The following AFAP1 variants were observed in gnomAD, a reference collection of about 807,000 sequenced individuals.
AFAP1 encodes the protein actin filament associated protein 1, also known as actin filament-associated protein 1.
In AFAP1, 75 loss-of-function variants were observed where a neutral mutation model predicts 93.9. The observed-to-expected ratio is 0.80, with a 90% CI of 0.66 to 0.97. AFAP1 has a LOEUF of 0.97. Ranked by LOEUF, AFAP1 falls within the 50% of genes least tolerant of loss-of-function variation. AFAP1 has a pLI of 0.00. For missense variants in AFAP1, 1,201 were observed against 1,050.8 expected, an observed-to-expected ratio of 1.14 and a Z score of -1.98; for synonymous variants, 517 against 430.7, an observed-to-expected ratio of 1.20 and a Z score of -2.48.
At chr4:7,916,159 T>C (rs1037082570) in intron 1 of AFAP1, among the ~76,000 whole-genome samples, 7 of 152,136 alleles carry the variant, frequency 4.6e-5, no homozygotes, top group African/African-American at 7.2e-5. Context: ...AGACCTGCAA[T>C]TTCCCCAAAG....
intron 6 of AFAP1, among the ~76,000 whole-genome samples, chr4:7,838,094 T>C (rs1036829629): frequency 2.0e-5 from 3 of 152,154 alleles, no homozygotes; most frequent in Non-Finnish European, 4.4e-5. Flanking sequence ...TATATTTAAA[T>C]GTAGTCTCAG....
intron 13 of AFAP1, among the ~76,000 whole-genome samples, chr4:7,780,500 T>A (rs562414741): frequency 6.6e-6 from 1 of 152,380 alleles, no homozygotes; most frequent in Non-Finnish European, 1.5e-5. Context: ...AGGCAAAGCA[T>A]GAACAATTCT....
chr4:7,903,574 G>T (rs1719235641), intron 1 of AFAP1, among the ~76,000 whole-genome samples: 1 of 152,222 alleles, frequency 6.6e-6, no homozygotes, highest in African/African-American at 2.4e-5. Flanking sequence ...AGTTACTCAG[G>T]AAGCTGAGGC....
In AFAP1 at chr4:7,900,526, A is replaced by G. The variant is rs116507246; in HGVS notation, c.-2-28446T>C. Among the ~76,000 whole-genome samples, 884 of 152,312 alleles carry G rather than the reference A, an allele frequency of 5.8e-3. 6 individuals carry two copies. Among genetic ancestry groups the G allele is most frequent in the African/African-American group, 0.019 (779 of 41,552 alleles). On this transcript the variant is annotated intron_variant, in intron 1 of 17. Coordinates refer to ENST00000420658, the MANE Select transcript of AFAP1 (RefSeq NM_001134647.2). The stretch of plus-strand genomic sequence containing the variant: ...GGCCAGGAGGATGGTGCTTCCCAGG[A>G]AGCAATTACTTCATCTCTGCCCATG...
intron 14 of AFAP1, chr4:7,777,806 C>A (rs1252928415): frequency 6.6e-6 from 1 of 152,252 alleles, no homozygotes; most frequent in Admixed American, 6.5e-5. Flanking sequence ...AATCCCCACA[C>A]TGCAGCCCTG....
intron 11 of AFAP1, among the ~76,000 whole-genome samples, chr4:7,790,993 G>A (rs1356640186): frequency 6.6e-6 from 1 of 152,160 alleles, no homozygotes; most frequent in African/African-American, 2.4e-5. Context: ...TTCACTTTGA[G>A]AACTATTTCT....
At chr4:7,778,575 G>C (rs1475490405) in intron 14 of AFAP1, 187 bp downstream of exon 14, 32 of 637,384 alleles carry the variant, frequency 5.0e-5, no homozygotes, top group Non-Finnish European at 7.3e-5. Flanking sequence ...TTTACAAGCA[G>C]TCAGAAAAGC....
chr4:7,864,431 T>C (rs1716183541), intron 3 of AFAP1, among the ~76,000 whole-genome samples: 1 of 152,218 alleles, frequency 6.6e-6, no homozygotes, highest in Non-Finnish European at 1.5e-5. Context: ...AGCCAATTCA[T>C]TAAGGCAAAC....
intron 1 of AFAP1, among the ~76,000 whole-genome samples, chr4:7,873,024 C>A (rs1442189594): frequency 6.8e-6 from 1 of 147,614 alleles, no homozygotes; most frequent in Non-Finnish European, 1.5e-5. Flanking sequence ...CCCAGGCAGG[C>A]GGATCACCTA....
intron 7 of AFAP1, 63 bp from the exon 8 acceptor site, chr4:7,816,162 G>T: frequency 7.3e-7 from 1 of 1,366,182 alleles, no homozygotes; most frequent in South Asian, 1.2e-5. Flanking sequence ...GATGTGTGAT[G>T]GATCAACCAA....
intron 1 of AFAP1, among the ~76,000 whole-genome samples, chr4:7,898,055 C>T (rs897951808): frequency 6.6e-6 from 1 of 152,192 alleles, no homozygotes; most frequent in African/African-American, 2.4e-5. Flanking sequence ...AACCACTCCT[C>T]ACCTTCCTCA....
At chr4:7,774,385 T>G (rs6824231) in intron 15 of AFAP1, 32,043 of 247,816 alleles carry the variant, frequency 0.13, 2,378 homozygotes, top group East Asian at 0.22. Flanking sequence ...TGATCCCTCC[T>G]ACCCGGTGAC....
intron 17 of AFAP1, among the ~76,000 whole-genome samples, chr4:7,765,754 C>T (rs1714466155): frequency 1.3e-5 from 2 of 152,216 alleles, no homozygotes; most frequent in South Asian, 4.1e-4. Context: ...ACGCCAGGGC[C>T]AGACCTTCTG....
rs1425138950 is a variant in AFAP1 at position 7,774,773 on chromosome 4, T to C, written c.2028A>G (p.Arg676=). 9 of 1,614,232 alleles carry C rather than the reference T, an allele frequency of 5.6e-6. No individual in the cohort carries two copies. The highest frequency in any genetic ancestry group is 7.6e-6 in the Non-Finnish European group (9 of 1,180,048). The change falls in exon 15 of 18, where the codon AGA becomes AGG. Residue 676 remains arginine, a synonymous_variant. Transcript: ENST00000420658. ...CTTCAATAGCCGCTCGAAGGTCTTT[T>C]CTTTCCTTGCGGAGCTGGGCCAGCC... The part of the protein sequence containing the change: ...RNRLAQLRKE[R]KDLRAAIEVN...
At chr4:7,808,043 A>G (rs962396584) in intron 9 of AFAP1, among the ~76,000 whole-genome samples, 5 of 152,236 alleles carry the variant, frequency 3.3e-5, no homozygotes, top group African/African-American at 4.8e-5. Context: ...AATAAAACCC[A>G]ACACCTTGGA....
intron 13 of AFAP1, among the ~76,000 whole-genome samples, chr4:7,780,392 A>G (rs1473634273): frequency 6.6e-6 from 1 of 152,244 alleles, no homozygotes; most frequent in East Asian, 1.9e-4. Context: ...TTATCTGGTT[A>G]TTTTCTTAAG....
chr4:7,762,696 A>AT lies in AFAP1; in HGVS notation c.*1068dup, dbSNP rs1415172461. On this transcript the variant is annotated 3_prime_UTR_variant, in exon 18 of 18. Coordinates refer to ENST00000420658, the MANE Select transcript of AFAP1 (RefSeq NM_001134647.2). ...GCAGCACGGCCAGGCCCACCAACAC[A>AT]TTAGTGGTTTAACTTGACAAGCTGG... is the stretch of plus-strand genomic sequence containing the variant. 5 of 152,396 alleles carry AT rather than the reference A, an allele frequency of 3.3e-5. No individual in the cohort carries two copies. The highest frequency in any genetic ancestry group is 3.3e-4 in the Admixed American group (5 of 15,304). 9.4% of individuals were successfully genotyped at this position (152,396 alleles called of 1,614,324 possible).
chr4:7,782,930 C>T (rs374847565), intron 12 of AFAP1, among the ~76,000 whole-genome samples: 22 of 152,246 alleles, frequency 1.4e-4, no homozygotes, highest in African/African-American at 2.6e-4. Flanking sequence ...GTTATTAAAA[C>T]GGTCTAGACG....
At chr4:7,908,581 G>C (rs1454089677) in intron 1 of AFAP1, among the ~76,000 whole-genome samples, 1 of 152,236 alleles carries the variant, frequency 6.6e-6, no homozygotes, top group Admixed American at 6.5e-5. Flanking sequence ...TGTTCTGCTA[G>C]ATTATCATCT....
Sources: gnomAD v4.1 joint callset for allele counts (sites outside exome capture counted in the v4.1 genomes callset) on GRCh38, gnomAD v4.1.1 for gene constraint, MANE v1.5 for transcripts, NCBI Gene and HGNC (gene_info 2026-07-23, HGNC 2026-07-21) for gene names.